Variants in PRDM2 observed in about 807,000 individuals in gnomAD.
PRDM2 encodes the protein PR domain zinc finger protein 2.
A neutral mutation model predicts 130.0 loss-of-function variants in PRDM2; 30 were observed. The observed-to-expected ratio is 0.23, with a 90% confidence interval of 0.17 to 0.31. The LOEUF is 0.31. Among genes scored for constraint, PRDM2 ranks in the 10% least tolerant of loss-of-function variants. PRDM2 has a pLI of 1.00. For missense variants in PRDM2, 2,011 were observed against 2,108.4 expected, an observed-to-expected ratio of 0.95 and a Z score of 0.90; for synonymous variants, 871 against 782.4, an observed-to-expected ratio of 1.11 and a Z score of -1.89.
chr1:13,816,172 C>A (rs1645253557), intron 8 of PRDM2, among the ~76,000 whole-genome samples: 1 of 152,220 alleles, frequency 6.6e-6, no homozygotes, highest in Non-Finnish European at 1.5e-5. Context: ...CCAATGGACA[C>A]TCCTCTTGCC....
At chr1:13,778,373 T>G in intron 7 of PRDM2, 45 bp from the exon 8 acceptor site, 1 of 1,524,590 alleles carries the variant, frequency 6.6e-7, no homozygotes, top group South Asian at 1.3e-5. Flanking sequence ...AGTAGCTGGT[T>G]TCCCATGCTT....
intron 7 of PRDM2, among the ~76,000 whole-genome samples, chr1:13,775,129 A>G (rs1456477857): frequency 6.6e-6 from 1 of 152,238 alleles, no homozygotes. Flanking sequence ...TGTGCTCCCA[A>G]ACCTCCCTTT....
At chr1:13,748,198 GT>G (rs907678434) in intron 5 of PRDM2, among the ~76,000 whole-genome samples, 2 of 151,902 alleles carry the variant, frequency 1.3e-5, no homozygotes, top group African/African-American at 4.8e-5. Context: ...CAAAAGTGTT[GT>G]TTTTTTTCTT....
intron 8 of PRDM2, chr1:13,787,262 G>A (rs1401997548): frequency 5.1e-6 from 5 of 982,400 alleles, no homozygotes; most frequent in South Asian, 4.7e-5. Flanking sequence ...GTGCACAGGC[G>A]CATCCCAGGC....
chr1:13,729,191 A>G (rs1643021948), intron 2 of PRDM2, among the ~76,000 whole-genome samples: 2 of 152,192 alleles, frequency 1.3e-5, no homozygotes, highest in Admixed American at 1.3e-4. Flanking sequence ...CAGTGCCTTG[A>G]GCGAGGAAGT....
intron 1 of PRDM2, among the ~76,000 whole-genome samples, chr1:13,713,262 C>T (rs1642428471): frequency 6.6e-6 from 1 of 152,202 alleles, no homozygotes; most frequent in Non-Finnish European, 1.5e-5. Flanking sequence ...GGGCAGTGAT[C>T]TTCCTCCTTT....
chr1:13,716,385 G>GCACA (rs1642538888), intron 2 of PRDM2, among the ~76,000 whole-genome samples: 1 of 151,476 alleles, frequency 6.6e-6, no homozygotes, highest in Admixed American at 6.6e-5. Flanking sequence ...CACCAGCATG[G>GCACA]CACATGTATA....
chr1:13,784,601 C>G (rs2100685015), intron 8 of PRDM2, among the ~76,000 whole-genome samples: 1 of 152,322 alleles, frequency 6.6e-6, no homozygotes, highest in Non-Finnish European at 1.5e-5. Flanking sequence ...TACCCAGTGT[C>G]TTTTGAGTAA....
rs139492626 is a variant in PRDM2 at position 13,754,000 on chromosome 1, T to C, written c.511+4513T>C. 2.2e-3 allele frequency among the ~76,000 whole-genome samples: 332 copies of C among 152,196 alleles called. 2 individuals are homozygous for C. The highest frequency in any genetic ancestry group is 3.5e-3 in the Non-Finnish European group (241 of 68,002). ...AGTACAGGCCAACAGATGAAGTAGG[T>C]AAACCTTGTCATGTCAGTAGTGTTT... On this transcript the variant is annotated intron_variant, in intron 6 of 9. Coordinates refer to ENST00000311066, the MANE Select transcript of PRDM2 (RefSeq NM_001393986.1).
At position 13,781,124 on chromosome 1, in the gene PRDM2, T is replaced by C. The variant is rs370183189; in HGVS notation, c.3329T>C (p.Leu1110Pro). ...FKQEELENEG[L>P]KPREEPQSAA... ...CAGGAGGAATTAGAGAATGAAGGTC[T>C]GAAACCCAGGGAAGAGCCCCAGTCT... The change falls in exon 8 of 10, where the codon CTG becomes CCG. Residue 1110 changes from leucine to proline, a missense_variant. By Grantham distance (98) the Leu-to-Pro change is moderately conservative. Around this residue, in one of 5 missense-constraint regions of PRDM2, gnomAD observed 229 missense variants for 364.1 expected, o/e 0.63. Transcript: ENST00000311066. This position sits in a 1 kb window ranked among gnomAD's most constrained non-coding sequence, Gnocchi z 6.1. 7 of 1,614,080 alleles carry C rather than the reference T, an allele frequency of 4.3e-6. No individual in the cohort carries two copies. The highest frequency in any genetic ancestry group is 5.9e-6 in the Non-Finnish European group (7 of 1,180,028).
intron 7 of PRDM2, among the ~76,000 whole-genome samples, chr1:13,776,734 C>G (rs142427916): frequency 2.0e-5 from 3 of 152,314 alleles, no homozygotes; most frequent in Non-Finnish European, 4.4e-5. Flanking sequence ...TGATCATGCC[C>G]TCCTTGAAGC....
intron 1 of PRDM2, among the ~76,000 whole-genome samples, chr1:13,708,379 CTT>C (rs1642270858): frequency 6.6e-6 from 1 of 152,168 alleles, no homozygotes; most frequent in Non-Finnish European, 1.5e-5. Context: ...GCTCTATAAA[CTT>C]AAATATATCA....
intron 6 of PRDM2, among the ~76,000 whole-genome samples, chr1:13,764,316 A>G (rs1320577183): frequency 1.3e-5 from 2 of 152,188 alleles, no homozygotes; most frequent in Non-Finnish European, 2.9e-5. Context: ...TAAGGTTTTC[A>G]GATTTTAGGT....
intron 1 of PRDM2, among the ~76,000 whole-genome samples, chr1:13,708,904 C>T (rs1038226567): frequency 3.3e-5 from 5 of 152,162 alleles, no homozygotes; most frequent in African/African-American, 1.2e-4. Context: ...TTATTCTTAA[C>T]GTATCAGGTT....
chr1:13,713,283 A>G (rs1434483614), intron 1 of PRDM2, among the ~76,000 whole-genome samples: 1 of 152,218 alleles, frequency 6.6e-6, no homozygotes, highest in East Asian at 1.9e-4. Context: ...CCACTGCTCA[A>G]GGGCAGTGCT....
At chr1:13,772,303 A>G (rs1644377423) in intron 6 of PRDM2, 1 of 152,248 alleles carries the variant, frequency 6.6e-6, no homozygotes, top group South Asian at 2.1e-4. Flanking sequence ...TATTACTCCT[A>G]TAGATAATTG....
intron 8 of PRDM2, among the ~76,000 whole-genome samples, chr1:13,783,696 C>T (rs1644674512): frequency 6.6e-6 from 1 of 152,172 alleles, no homozygotes; most frequent in Non-Finnish European, 1.5e-5. Context: ...CTCAAACTTC[C>T]TGAGTCCTTT....
chr1:13,773,052 A>AT (rs960423721), intron 6 of PRDM2, 26 bp from the exon 7 acceptor site: 5 of 1,314,306 alleles, frequency 3.8e-6, no homozygotes, highest in Non-Finnish European at 5.1e-6. Flanking sequence ...AAATGAATGA[A>AT]TAAATTAAAA....
chr1:13,709,260 G>A (rs529545540), intron 1 of PRDM2, among the ~76,000 whole-genome samples: 1 of 151,834 alleles, frequency 6.6e-6, no homozygotes, highest in South Asian at 2.1e-4. Context: ...TTAAATTGAA[G>A]TCCTAGATTT....
Sources: gnomAD v4.1 joint callset for allele counts (sites outside exome capture counted in the v4.1 genomes callset) on GRCh38, gnomAD v4.1.1 for gene constraint, gnomAD v4.1.1 regional missense constraint, Gnocchi (gnomAD v3.1) non-coding constraint, MANE v1.5 for transcripts, NCBI Gene and HGNC (gene_info 2026-07-23, HGNC 2026-07-21) for gene names.